The following ATG4D variants were observed in gnomAD, a reference collection of about 807,000 sequenced individuals.
ATG4D encodes autophagy related 4D cysteine peptidase, also known as cysteine protease ATG4D.
Under a neutral mutation model 55.2 loss-of-function variants are expected in ATG4D, and 51 were observed. The ratio of observed to expected loss-of-function variants is 0.92; its 90% confidence interval spans 0.74 to 1.17. ATG4D has a LOEUF of 1.17. ATG4D is among the 50% of genes most tolerant of loss of function. ATG4D has a pLI of 0.00. For synonymous variants in ATG4D, 268 were observed against 266.2 expected (o/e 1.01, Z -0.07); for missense variants, 635 against 649.6 (o/e 0.98, Z 0.25).
intron 9 of ATG4D, among the ~76,000 whole-genome samples, 184 bp downstream of exon 9, chr19:10,552,508 G>A (rs1483764457): frequency 6.6e-6 from 1 of 152,202 alleles, no homozygotes; most frequent in African/African-American, 2.4e-5. Context: ...CCACTGTTAA[G>A]GCATCATCCC....
At chr19:10,552,148 G>T in intron 8 of ATG4D, 27 bp downstream of exon 8, 1 of 1,611,966 alleles carries the variant, frequency 6.2e-7, no homozygotes, top group African/African-American at 1.3e-5. Flanking sequence ...GTGTGTGGTT[G>T]GGGCCATGGC....
chr19:10,547,787 C>T (rs1366224464), intron 5 of ATG4D, among the ~76,000 whole-genome samples: 1 of 151,554 alleles, frequency 6.6e-6, no homozygotes, highest in East Asian at 2.0e-4. Context: ...ACCTCTGCCT[C>T]CTGGGTTCAA....
chr19:10,548,856 G>A (rs780935946), intron 5 of ATG4D, 48 bp from the exon 6 acceptor site: 2 of 1,602,826 alleles, frequency 1.2e-6, no homozygotes, highest in South Asian at 2.2e-5. Context: ...CTACGCTGGG[G>A]CTTGAAGGGT....
Position 10,553,111 on chromosome 19 carries a change from A to T in ATG4D, c.*44A>T, listed in dbSNP as rs767283460. Reference sequence around the variant, plus strand: ...AAGATACAACACTATTTATTTTTTTATTTATGTCATGTCGGGTGTGGGATC... The same window carrying T: ...AAGATACAACACTATTTATTTTTTTTTTTATGTCATGTCGGGTGTGGGATC... On this transcript the variant is annotated 3_prime_UTR_variant, in exon 10 of 10. Coordinates refer to ENST00000309469, the MANE Select transcript of ATG4D (RefSeq NM_032885.6). 7 of 1,533,902 alleles carry T rather than the reference A, an allele frequency of 4.6e-6. No individual in the cohort carries two copies. Among genetic ancestry groups the T allele is most frequent in the Non-Finnish European group, 6.1e-6 (7 of 1,141,658 alleles).
rs199801561 is a variant in ATG4D at position 10,551,953 on chromosome 19, A to T, written c.1023A>T (p.Ser341=). 257 of 1,613,522 alleles carry T rather than the reference A, an allele frequency of 1.6e-4. No homozygotes were observed. The highest frequency in any genetic ancestry group is 2.6e-5 in the Non-Finnish European group (31 of 1,179,900). ...LGIMGGKPRH[S]LYFIGYQDDF... Reference sequence around the variant, plus strand: ...TCATGGGTGGGAAACCGCGACACTCACTGTACTTCATTGGCTACCAAGGTA... The same window carrying T: ...TCATGGGTGGGAAACCGCGACACTCTCTGTACTTCATTGGCTACCAAGGTA... The change falls in exon 7 of 10, where the codon TCA becomes TCT. Residue 341 remains serine (S), a synonymous_variant. Transcript: ENST00000309469.
At chr19:10,550,487 G>A (rs949130645) in intron 6 of ATG4D, among the ~76,000 whole-genome samples, 5 of 152,034 alleles carry the variant, frequency 3.3e-5, no homozygotes, top group African/African-American at 7.2e-5. Context: ...ATTTGCATCC[G>A]AATAAAAGCC....
Position 10,552,937 on chromosome 19 carries a change from A to G in ATG4D, c.1295A>G (p.Glu432Gly), listed in dbSNP as rs202100167. The G allele has an allele frequency of 6.2e-7, 1 of 1,613,688 alleles. No individual in the cohort carries two copies. The part of the protein sequence containing the change: ...TERYPMFTLA[E>G]GHAQDHSLDD... ...CGGTACCCCATGTTCACCCTGGCCG[A>G]GGGCCATGCTCAGGACCACAGCCTG... Residue 432 changes from glutamate (E) to glycine (G), a missense_variant, in exon 10 of 10, where the codon GAG (glutamate) becomes GGG (glycine). Glu to Gly is a moderately conservative substitution (Grantham distance 98, BLOSUM62 -2). Transcript: ENST00000309469.
intron 6 of ATG4D, among the ~76,000 whole-genome samples, chr19:10,550,833 T>C (rs190610256): frequency 2.8e-4 from 41 of 147,994 alleles, no homozygotes; most frequent in Admixed American, 6.2e-4. Flanking sequence ...TGCCTCAGCC[T>C]CCCGAGTAGC....
In ATG4D at chr19:10,544,139, G is replaced by C; in HGVS notation, c.49G>C (p.Glu17Gln). ...CGCGCAGTACCGGAGCAGCAGCCCGGAGGACGCGCGCCGCCGGCCCGAGGC... is the reference window on the plus strand; with the variant it reads ...CGCGCAGTACCGGAGCAGCAGCCCGCAGGACGCGCGCCGCCGGCCCGAGGC... ...AAAQYRSSSPEDARRRPEARR... is the reference protein window; with the variant it reads ...AAAQYRSSSPQDARRRPEARR... Residue 17 changes from glutamate to glutamine, a missense_variant, in exon 1 of 10, where the codon GAG becomes CAG. By Grantham distance (29) the Glu-to-Gln change is conservative (BLOSUM62 2). Coordinates refer to ENST00000309469, the MANE Select transcript of ATG4D (RefSeq NM_032885.6). 8.0e-7 allele frequency: 1 copy of C among 1,244,076 alleles called. No homozygotes were observed. The highest frequency in any genetic ancestry group is 1.0e-6 in the Non-Finnish European group (1 of 986,804). The allele number at this position is 1,244,076 out of a possible 1,614,324, so 77.1% of individuals were successfully genotyped here.
chr19:10,547,083 G>T lies in ATG4D; in HGVS notation c.738G>T (p.Trp246Cys). Reference protein sequence around the residue: ...GQSSGKKAGDWYGPSLVAHIL... With the variant: ...GQSSGKKAGDCYGPSLVAHIL... ...GCTCAGGCAAGAAGGCAGGTGACTG[G>T]TATGGGCCATCGCTAGTGGCACACA... The change falls in exon 4 of 10, where the codon TGG (tryptophan) becomes TGT (cysteine). Residue 246 changes from tryptophan to cysteine, a missense_variant. Transcript: ENST00000309469. The T allele has an allele frequency of 6.3e-7, 1 of 1,598,224 alleles. No homozygotes were observed. The highest frequency in any genetic ancestry group is 8.5e-7 in the Non-Finnish European group (1 of 1,173,632).
In ATG4D at chr19:10,548,991, T is replaced by C; in HGVS notation, c.923T>C (p.Leu308Pro). Residue 308 changes from leucine to proline, a missense_variant, in exon 6 of 10, where the codon CTG becomes CCG. Leu to Pro is a moderately conservative substitution (Grantham distance 98). Transcript: ENST00000309469. ...GTGGTCATCCTGGTGCCCGTGCGAC[T>C]GGGTGGCGAGACTCTCAACCCCGTG... ...KSVVILVPVRLGGETLNPVYV... is the reference protein window; with the variant it reads ...KSVVILVPVRPGGETLNPVYV... The C allele has an allele frequency of 6.2e-7, 1 of 1,614,116 alleles. No individual in the cohort carries two copies. Among genetic ancestry groups the C allele is most frequent in the Non-Finnish European group, 8.5e-7 (1 of 1,180,018 alleles).
At chr19:10,549,128 C>CTT (rs35786570) in intron 6 of ATG4D, 94 bp downstream of exon 6, 820 of 1,130,972 alleles carry the variant, frequency 7.3e-4, no homozygotes, top group African/African-American at 3.0e-3. Context: ...GCCCTCATCA[C>CTT]TTTTTTTTTT....
chr19:10,550,939 T>G (rs1916202911), intron 6 of ATG4D: 1 of 152,074 alleles, frequency 6.6e-6, no homozygotes, highest in South Asian at 2.1e-4. Context: ...CTCGATCTCC[T>G]GACCTCGTGA....
rs367877282 is a variant in ATG4D, at chr19:10,544,967, G to T, written c.330G>T (p.Gln110His). 46 of 1,590,708 alleles carry T rather than the reference G, an allele frequency of 2.9e-5. No individual in the cohort carries two copies. The highest frequency in any genetic ancestry group is 3.8e-5 in the Non-Finnish European group (44 of 1,167,676). ...RYRFEGEGDIQRFQRDFVSRL... is the reference protein window; with the variant it reads ...RYRFEGEGDIHRFQRDFVSRL... Reference sequence around the variant, plus strand: ...GACCCGCTCTTGTAGGTGACATACAGCGTTTCCAGCGGGACTTTGTGTCCC... The same window carrying T: ...GACCCGCTCTTGTAGGTGACATACATCGTTTCCAGCGGGACTTTGTGTCCC... The change falls in exon 3 of 10, where the codon CAG becomes CAT. Residue 110 changes from glutamine (Q) to histidine (H), a missense_variant. Physicochemically the swap from Gln to His is conservative, Grantham distance 24 (BLOSUM62 0). Transcript: ENST00000309469.
At position 10,553,339 on chromosome 19, in the gene ATG4D, G is replaced by C; in HGVS notation, c.*272G>C. The C allele has an allele frequency of 2.7e-6, 1 of 376,742 alleles. No individual in the cohort carries two copies. The highest frequency in any genetic ancestry group is 4.8e-6 in the Non-Finnish European group (1 of 206,718). The allele number at this position is 376,742 out of a possible 1,614,324, so 23.3% of individuals were successfully genotyped here. A position where few individuals can be genotyped will look rare whatever the true frequency, so the allele number is the denominator to read the frequency against. On this transcript the variant is annotated 3_prime_UTR_variant, in exon 10 of 10. Coordinates refer to ENST00000309469, the MANE Select transcript of ATG4D (RefSeq NM_032885.6). ...TGACTCACGTACTGTAGTTTGCACT[G>C]GACGCCCGGGCCCTCCCTGTCCCAA...
intron 5 of ATG4D, 38 bp downstream of exon 5, chr19:10,547,291 C>A: frequency 6.2e-7 from 1 of 1,600,056 alleles, no homozygotes. Context: ...GGGCCCCACC[C>A]TGAGCCAGAC....
intron 1 of ATG4D, 69 bp downstream of exon 1, chr19:10,544,394 C>A: frequency 8.1e-7 from 1 of 1,232,830 alleles, no homozygotes; most frequent in Non-Finnish European, 1.0e-6. Context: ...CCGGTCCTGC[C>A]AGTTATCCCA....
Position 10,551,555 on chromosome 19 carries a change from C to A in ATG4D, c.967-342C>A, listed in dbSNP as rs549791468. On this transcript the variant is annotated intron_variant, in intron 6 of 9. Transcript: ENST00000309469. ...TTTACTAAAAATACAAAAAATTAAC[C>A]CGGGTGTGGTGGCGGGTGCCTGTAA... Among the ~76,000 whole-genome samples, 12 of 151,932 alleles carry A rather than the reference C, an allele frequency of 7.9e-5. No homozygotes were observed. In the East Asian group the frequency reaches 2.3e-3, roughly 29 times the overall value.
intron 9 of ATG4D, 51 bp from the exon 10 acceptor site, chr19:10,552,834 A>G (rs1339711610): frequency 6.5e-7 from 1 of 1,550,294 alleles, no homozygotes; most frequent in Non-Finnish European, 8.7e-7. Flanking sequence ...TGGGCTAAGG[A>G]ATATGGCTTG....
Sources: gnomAD v4.1 joint callset for allele counts (sites outside exome capture counted in the v4.1 genomes callset) on GRCh38, gnomAD v4.1.1 for gene constraint, MANE v1.5 for transcripts, NCBI Gene and HGNC (gene_info 2026-07-23, HGNC 2026-07-21) for gene names.